COX5B: variants seen among roughly 807,000 people sequenced by gnomAD.
COX5B encodes the protein cytochrome c oxidase subunit 5B, mitochondrial.
Under a neutral mutation model 16.2 loss-of-function variants are expected in COX5B, and 8 were observed. The observed-to-expected ratio is 0.49, with a 90% CI of 0.29 to 0.89. The LOEUF (loss-of-function observed/expected upper bound fraction) is 0.89, where lower values mean the gene tolerates loss of function less well. Among genes scored for constraint, COX5B ranks in the 40% least tolerant of loss-of-function variants. COX5B has a pLI of 0.08. For synonymous variants in COX5B, 65 were observed against 67.6 expected (o/e 0.96, Z 0.19); for missense variants, 161 against 168.7 (o/e 0.95, Z 0.25).
In COX5B at chr2:97,646,109, G is replaced by C; in HGVS notation, c.23G>C (p.Gly8Ala). 1.3e-6 allele frequency: 2 copies of C among 1,556,672 alleles called. No homozygotes were observed. Among genetic ancestry groups the C allele is most frequent in the Non-Finnish European group, 1.7e-6 (2 of 1,149,870 alleles). The part of the protein sequence containing the change: MASRLLR[G>A]AGTLAAQALR... ...GCAATGGCTTCAAGGTTACTTCGCG[G>C]AGCTGGAACGCTGGCCGCGCAGGCC... Residue 8 changes from glycine (G) to alanine (A), a missense_variant, in exon 1 of 4, where the codon GGA becomes GCA. Physicochemically the swap from Gly to Ala is moderately conservative, Grantham distance 60 (BLOSUM62 0). Transcript: ENST00000258424.
In COX5B at chr2:97,648,057, C is replaced by T; in HGVS notation, c.339C>T (p.Cys113=). The T allele has an allele frequency of 1.2e-6, 2 of 1,613,304 alleles. No individual in the cohort carries two copies. The highest frequency in any genetic ancestry group is 4.5e-5 in the East Asian group (2 of 44,800). ...FWLHKGEAQR[C]PRCGAHYKLV... ...TGCACAAAGGCGAGGCCCAGCGATG[C>T]CCCCGCTGTGGAGCCCATTACAAGC... Residue 113 remains cysteine, a synonymous_variant, in exon 4 of 4, where the codon TGC becomes TGT. Coordinates refer to ENST00000258424, the MANE Select transcript of COX5B (RefSeq NM_001862.3).
At chr2:97,646,953 C>A in intron 1 of COX5B, 114 bp from the exon 2 acceptor site, 1 of 1,011,258 alleles carries the variant, frequency 9.9e-7, no homozygotes, top group Non-Finnish European at 1.5e-6. Context: ...AGCTTGTGAG[C>A]CCGCTAAAAC....
Position 97,646,114 on chromosome 2 carries a change from G to A in COX5B, c.28G>A (p.Gly10Arg), listed in dbSNP as rs965497476. 13 of 1,556,880 alleles carry A rather than the reference G, an allele frequency of 8.4e-6. No individual in the cohort carries two copies. In the African/African-American group the frequency reaches 1.4e-4, roughly 16 times the overall value. Residue 10 changes from glycine to arginine, a missense_variant, in exon 1 of 4, where the codon GGA (glycine) becomes AGA (arginine). Physicochemically the swap from Gly to Arg is moderately radical, Grantham distance 125 (BLOSUM62 -2). Coordinates refer to ENST00000258424, the MANE Select transcript of COX5B (RefSeq NM_001862.3). MASRLLRGA[G>R]TLAAQALRAR... is the part of the protein sequence containing the mutation. ...GGCTTCAAGGTTACTTCGCGGAGCT[G>A]GAACGCTGGCCGCGCAGGCCCTGAG... is the stretch of plus-strand genomic sequence containing the variant.
chr2:97,647,277 G>A, intron 2 of COX5B, 67 bp from the exon 3 acceptor site: 1 of 1,543,302 alleles, frequency 6.5e-7, no homozygotes, highest in Non-Finnish European at 8.9e-7. Flanking sequence ...GGAAGGTAGG[G>A]CTTATTTGGC....
intron 1 of COX5B, 176 bp downstream of exon 1, chr2:97,646,365 G>A: frequency 1.8e-6 from 1 of 568,006 alleles, no homozygotes; most frequent in East Asian, 3.1e-5. Flanking sequence ...TGCTCCTGCC[G>A]CTCCCCGAAC....
rs1573173409 is a variant in COX5B at position 97,646,074 on chromosome 2, A to G, written c.-13A>G. The G allele has an allele frequency of 4.5e-6, 7 of 1,549,204 alleles. No homozygotes were observed. In the East Asian group the frequency reaches 1.7e-4, roughly 38 times the overall value. The stretch of plus-strand genomic sequence containing the variant: ...GCTTGTTCCCGGAAGTTTTGCTGCT[A>G]GTCGCGGACGCAATGGCTTCAAGGT... On this transcript the variant is annotated 5_prime_UTR_variant, in exon 1 of 4. Transcript: ENST00000258424.
intron 1 of COX5B, 51 bp downstream of exon 1, chr2:97,646,240 T>C: frequency 1.5e-6 from 2 of 1,325,816 alleles, no homozygotes; most frequent in Non-Finnish European, 2.0e-6. Context: ...CCTCCCAGGG[T>C]GGTCCCAGGG....
chr2:97,647,027 C>CA, intron 1 of COX5B, 40 bp from the exon 2 acceptor site: 1 of 1,590,182 alleles, frequency 6.3e-7, no homozygotes, highest in Non-Finnish European at 8.6e-7. Flanking sequence ...TTCTATCAGT[C>CA]ATTTCAGTCA....
At position 97,648,141 on chromosome 2, in the gene COX5B, A is replaced by T. The variant is rs554383588; in HGVS notation, c.*33A>T. On this transcript the variant is annotated 3_prime_UTR_variant, in exon 4 of 4. Transcript: ENST00000258424. ...CACTAAATTACTCAAAATGTGCTGT[A>T]AAGTTTCTTCTTTCCAGTAAAGACT... is the stretch of plus-strand genomic sequence containing the variant. 1.3e-6 allele frequency: 2 copies of T among 1,541,730 alleles called. No homozygotes were observed. Among genetic ancestry groups the T allele is most frequent in the Admixed American group, 2.1e-5 (1 of 47,256 alleles).
rs1253007503 is a variant in COX5B, at chr2:97,648,204, T to G, written c.*96T>G. Reference sequence around the variant, plus strand: ...GGCTCCTTCTCCCATAGATGGCTGGTCTTATTTCTTACCCGTATTCTTTGG... The same window carrying G: ...GGCTCCTTCTCCCATAGATGGCTGGGCTTATTTCTTACCCGTATTCTTTGG... On this transcript the variant is annotated 3_prime_UTR_variant, in exon 4 of 4. Coordinates refer to ENST00000258424, the MANE Select transcript of COX5B (RefSeq NM_001862.3). 9.8e-7 allele frequency: 1 copy of G among 1,017,342 alleles called. No individual in the cohort carries two copies. Among genetic ancestry groups the G allele is most frequent in the Non-Finnish European group, 1.4e-6 (1 of 706,740 alleles). The allele number at this position is 1,017,342 out of a possible 1,614,324, so 63.0% of individuals were successfully genotyped here.
Position 97,648,367 on chromosome 2 carries a change from G to T in COX5B, c.*259G>T. 1 of 377,666 alleles carries T rather than the reference G, an allele frequency of 2.6e-6. No homozygotes were observed. The allele number at this position is 377,666 out of a possible 1,614,324, so 23.4% of individuals were successfully genotyped here. On this transcript the variant is annotated 3_prime_UTR_variant, in exon 4 of 4. Coordinates refer to ENST00000258424, the MANE Select transcript of COX5B (RefSeq NM_001862.3). ...ATCGACAACCCGTAATGCAATGAAT[G>T]GGACCACCTGGTATGAGAGAAAGGG...
chr2:97,647,119 G>A lies in COX5B; in HGVS notation c.156G>A (p.Met52Ile). 6.2e-7 allele frequency: 1 copy of A among 1,614,138 alleles called. No homozygotes were observed. The highest frequency in any genetic ancestry group is 8.5e-7 in the Non-Finnish European group (1 of 1,179,990). ...EQATGLEREI[M>I]LAAKKGLDPY... ...CGACTGGGTTGGAGAGGGAGATCAT[G>A]CTGGCTGCAAAGAAGGGACTGGTAA... The change falls in exon 2 of 4, where the codon ATG becomes ATA. Residue 52 changes from methionine to isoleucine, a missense_variant. Transcript: ENST00000258424.
Position 97,647,326 on chromosome 2 carries a change from T to G in COX5B, c.178-18T>G. The G allele has an allele frequency of 3.1e-6, 5 of 1,602,684 alleles. No homozygotes were observed. Among genetic ancestry groups the G allele is most frequent in the Non-Finnish European group, 4.3e-6 (5 of 1,174,930 alleles). On this transcript the variant is annotated intron_variant, in intron 2 of 3. Coordinates refer to ENST00000258424, the MANE Select transcript of COX5B (RefSeq NM_001862.3). Reference sequence around the variant, plus strand: ...TCTTGTTTTTTTTGTTTTGTTTTGTTTTTTGTTTTTTCTTCAGGACCCATA... The same window carrying G: ...TCTTGTTTTTTTTGTTTTGTTTTGTGTTTTGTTTTTTCTTCAGGACCCATA...
intron 1 of COX5B, chr2:97,646,391 AG>A: frequency 1.8e-6 from 1 of 563,336 alleles, no homozygotes. Flanking sequence ...CCGCTGCGAA[AG>A]TATCCTAAAC....
Position 97,648,085 on chromosome 2 carries a change from G to C in COX5B, c.367G>C (p.Val123Leu). ...CPRCGAHYKLVPQQLAH is the reference protein window; with the variant it reads ...CPRCGAHYKLLPQQLAH ...CCGCTGTGGAGCCCATTACAAGCTG[G>C]TGCCCCAGCAGCTGGCACACTGAGC... Residue 123 changes from valine to leucine, a missense_variant, in exon 4 of 4, where the codon GTG (valine) becomes CTG (leucine). Val to Leu is a conservative substitution (Grantham distance 32). Transcript: ENST00000258424. 6.2e-7 allele frequency: 1 copy of C among 1,607,450 alleles called. No individual in the cohort carries two copies. Among genetic ancestry groups the C allele is most frequent in the Non-Finnish European group, 8.5e-7 (1 of 1,177,432 alleles).
intron 3 of COX5B, among the ~76,000 whole-genome samples, chr2:97,647,644 T>G (rs1165596163): frequency 6.6e-6 from 1 of 152,040 alleles, no homozygotes; most frequent in Non-Finnish European, 1.5e-5. Flanking sequence ...TCACTGGGAG[T>G]GCGGCATGAA....
intron 2 of COX5B, 98 bp from the exon 3 acceptor site, chr2:97,647,245 AG>A (rs1158634774): frequency 2.6e-5 from 39 of 1,520,554 alleles, no homozygotes; most frequent in Middle Eastern, 1.7e-4. Flanking sequence ...CTTGGCTTGT[AG>A]GAACAGTCCC....
chr2:97,647,159 C>T lies in COX5B; in HGVS notation c.177+19C>T, dbSNP rs554661929. The T allele has an allele frequency of 1.2e-6, 2 of 1,610,416 alleles. No homozygotes were observed. Among genetic ancestry groups the T allele is most frequent in the South Asian group, 2.2e-5 (2 of 90,958 alleles). On this transcript the variant is annotated intron_variant, in intron 2 of 3. Transcript: ENST00000258424. Reference sequence around the variant, plus strand: ...GGGACTGGTAAGGAGAAACTCCCTTCTGTGTCTTCTGTGTAACTTATGGCC... The same window carrying T: ...GGGACTGGTAAGGAGAAACTCCCTTTTGTGTCTTCTGTGTAACTTATGGCC...
intron 1 of COX5B, 84 bp downstream of exon 1, chr2:97,646,273 C>T: frequency 5.5e-6 from 5 of 917,110 alleles, no homozygotes; most frequent in Non-Finnish European, 8.0e-6. Flanking sequence ...GCGGCTCGTG[C>T]AGCTTCTCGA....
Sources: gnomAD v4.1 joint callset for allele counts (sites outside exome capture counted in the v4.1 genomes callset) on GRCh38, gnomAD v4.1.1 for gene constraint, MANE v1.5 for transcripts, NCBI Gene and HGNC (gene_info 2026-07-23, HGNC 2026-07-21) for gene names.